The following MICAL2 variants were observed in gnomAD, a reference collection of about 807,000 sequenced individuals.
MICAL2 encodes the protein microtubule associated monooxygenase, calponin and LIM domain containing 2.
MICAL2 carries 77 observed loss-of-function variants against 127.3 expected under a neutral mutation model. That is an observed-to-expected ratio of 0.60 (90% CI 0.50 to 0.73). The LOEUF is 0.73. Ranked by LOEUF, MICAL2 falls within the 30% of genes least tolerant of loss-of-function variation. The probability of loss-of-function intolerance (pLI) is 0.00; values close to 1 mark genes in which losing one functional copy is unlikely to be tolerated. For missense variants in MICAL2, 1,351 were observed against 1,434.4 expected (o/e 0.94, Z 0.94); for synonymous variants, 570 against 551.1 (o/e 1.03, Z -0.48).
At chr11:12,158,044 T>C (rs1385236673) in intron 2 of MICAL2, among the ~76,000 whole-genome samples, 1 of 152,194 alleles carries the variant, frequency 6.6e-6, no homozygotes, top group Non-Finnish European at 1.5e-5. Flanking sequence ...ACAGGTTGAC[T>C]ATACCTAAAC....
In MICAL2 at chr11:12,243,987, A is replaced by C; in HGVS notation, c.2659A>C (p.Asn887His). The change falls in exon 21 of 28, where the codon AAT becomes CAT. Residue 887 changes from asparagine to histidine, a missense_variant and splice_region_variant. Coordinates refer to ENST00000683283, the MANE Select transcript of MICAL2 (RefSeq NM_001282663.2). Reference protein sequence around the residue: ...SMFGHGDFPQNKLLSKGLSHT... With the variant: ...SMFGHGDFPQHKLLSKGLSHT... ...TTTCTTCTATTTCTGTTCTGTGCAGAATAAACTACTCTCTAAAGGCCTGTC... is the reference window on the plus strand; with the variant it reads ...TTTCTTCTATTTCTGTTCTGTGCAGCATAAACTACTCTCTAAAGGCCTGTC... 6.2e-7 allele frequency: 1 copy of C among 1,613,886 alleles called. No individual in the cohort carries two copies. Among genetic ancestry groups the C allele is most frequent in the Non-Finnish European group, 8.5e-7 (1 of 1,179,786 alleles).
At chr11:12,120,833 T>C (rs1277452588) in intron 1 of MICAL2, among the ~76,000 whole-genome samples, 1 of 152,130 alleles carries the variant, frequency 6.6e-6, no homozygotes, top group Non-Finnish European at 1.5e-5. Flanking sequence ...TGTGGGAAGC[T>C]GTCAGAGAGG....
chr11:12,249,064 T>C (rs1861165276), intron 21 of MICAL2, 120 bp from the exon 22 acceptor site: 1 of 1,242,050 alleles, frequency 8.1e-7, no homozygotes, highest in East Asian at 2.4e-5. Context: ...AATACTGCAA[T>C]GTCCTAACCT....
chr11:12,204,120 G>A, intron 3 of MICAL2, 130 bp from the exon 4 acceptor site: 2 of 822,028 alleles, frequency 2.4e-6, no homozygotes, highest in Non-Finnish European at 3.9e-6. Context: ...GCCCTAACAG[G>A]TACACAGCTT....
In MICAL2 at chr11:12,223,470, G is replaced by T. The variant is rs144179632; in HGVS notation, c.1509G>T (p.Ser503=). The change falls in exon 12 of 28, where the codon TCG becomes TCT. Residue 503 remains serine, a synonymous_variant. Coordinates refer to ENST00000683283, the MANE Select transcript of MICAL2 (RefSeq NM_001282663.2). ...LEHYPLERLG[S]VRRSVNLSRK... ...ACTACCCTCTCGAGAGACTGGGCTCGGTGAGGAGATCTGTCAACCTCTCCA... is the reference window on the plus strand; with the variant it reads ...ACTACCCTCTCGAGAGACTGGGCTCTGTGAGGAGATCTGTCAACCTCTCCA... The T allele has an allele frequency of 6.2e-7, 1 of 1,614,034 alleles. No homozygotes were observed. Among genetic ancestry groups the T allele is most frequent in the South Asian group, 1.1e-5 (1 of 91,070 alleles).
downstream of MICAL2, among the ~76,000 whole-genome samples, chr11:12,268,104 G>A (rs1565288495): frequency 6.6e-6 from 1 of 152,228 alleles, no homozygotes; most frequent in Non-Finnish European, 1.5e-5. Context: ...TGCAGAACAT[G>A]CAGCCATCTC....
chr11:12,256,448 C>A (rs79391616), intron 23 of MICAL2: 2,486 of 200,654 alleles, frequency 0.012, 52 homozygotes, highest in African/African-American at 0.05. Flanking sequence ...AAAGAATATC[C>A]TGGGGTGGAC....
At chr11:12,224,549 CTGGCCCCTTGCCT>C (rs1857184254) in intron 12 of MICAL2, 111 bp from the exon 13 acceptor site, 1 of 1,339,444 alleles carries the variant, frequency 7.5e-7, no homozygotes, top group Non-Finnish European at 1.0e-6. Context: ...GCCCCCTGCC[CTGGCCCCTTGCCT>C]TGGGGCCGCT....
In MICAL2 at chr11:12,344,472, C is replaced by CGATTATTATTAT. The variant is rs34112883; in HGVS notation, c.5516-5366_5516-5365insGATTATTATTAT. The stretch of plus-strand genomic sequence containing the variant: ...ATGATCCTTGTCAAAATTCTAGAAA[C>CGATTATTATTAT]TATTATTATTATTATTATTATTATT... On this transcript the variant is annotated intron_variant, in intron 32 of 34. Coordinates refer to the MICAL2 transcript ENST00000646065. Among the ~76,000 whole-genome samples the CGATTATTATTAT allele has an allele frequency of 2.4e-3, 341 of 141,480 alleles. 4 individuals are homozygous for CGATTATTATTAT. Among genetic ancestry groups the CGATTATTATTAT allele is most frequent in the South Asian group, 3.7e-3 (16 of 4,276 alleles). 92.8% of individuals were successfully genotyped at this position (141,480 alleles called of 152,430 possible).
chr11:12,324,697 A>T (rs1357070235), intron 31 of MICAL2, among the ~76,000 whole-genome samples: 1 of 152,076 alleles, frequency 6.6e-6, no homozygotes, highest in Non-Finnish European at 1.5e-5. Context: ...TAGAATGACC[A>T]CTCATGTTAA....
intron 34 of MICAL2, among the ~76,000 whole-genome samples, chr11:12,357,862 A>T: frequency 6.6e-6 from 1 of 152,082 alleles, no homozygotes; most frequent in East Asian, 1.9e-4. Context: ...GAAAAAAAAG[A>T]TTGTGGTCAT....
downstream of MICAL2, chr11:12,293,604 C>T: frequency 1.1e-5 from 17 of 1,613,924 alleles, no homozygotes; most frequent in Non-Finnish European, 1.4e-5. Flanking sequence ...AGAGGTCATC[C>T]AAGTCCTCCC....
chr11:12,117,566 G>A (rs1480314266), intron 1 of MICAL2, among the ~76,000 whole-genome samples: 3 of 152,210 alleles, frequency 2.0e-5, no homozygotes, highest in Non-Finnish European at 4.4e-5. Flanking sequence ...TGAGGTGTAG[G>A]GGAGACTGAA....
intron 6 of MICAL2, among the ~76,000 whole-genome samples, chr11:12,212,939 G>A (rs546736378): frequency 5.3e-5 from 8 of 152,328 alleles, no homozygotes; most frequent in African/African-American, 1.9e-4. Flanking sequence ...GGTCTCTCAT[G>A]AGTGTATCTA....
intron 26 of MICAL2, chr11:12,261,908 T>G: frequency 1.0e-6 from 1 of 986,318 alleles, no homozygotes; most frequent in Non-Finnish European, 1.2e-6. Context: ...AGAAAGTAAA[T>G]TTTTGAGGTC....
chr11:12,121,989 G>A (rs961524701), intron 1 of MICAL2, among the ~76,000 whole-genome samples: 11 of 152,186 alleles, frequency 7.2e-5, no homozygotes, highest in Admixed American at 2.6e-4. Flanking sequence ...CTACCCATAT[G>A]AGAACAAGCT....
In MICAL2 at chr11:12,314,691, T is replaced by C. The variant is rs374570837; in HGVS notation, c.5213-5005T>C. ...TTAGTAGAGACGGGGTTTCACCGTG[T>C]TAGCCAGGATGGTCTCGATCTCCTG... On this transcript the variant is annotated intron_variant, in intron 29 of 34. Transcript: ENST00000646065. 1.7e-3 allele frequency among the ~76,000 whole-genome samples: 239 copies of C among 144,636 alleles called. 1 individual carries two copies. The highest frequency in any genetic ancestry group is 5.9e-3 in the African/African-American group (228 of 38,770). The allele number at this position is 144,636 out of a possible 152,430, so 94.9% of individuals were successfully genotyped here.
intron 5 of MICAL2, among the ~76,000 whole-genome samples, chr11:12,209,048 A>G (rs1855097868): frequency 6.6e-6 from 1 of 152,126 alleles, no homozygotes; most frequent in South Asian, 2.1e-4. Flanking sequence ...AAGACAGTGT[A>G]GTGTACAACA....
intron 15 of MICAL2, among the ~76,000 whole-genome samples, chr11:12,228,833 G>A (rs996342751): frequency 2.0e-5 from 3 of 152,172 alleles, no homozygotes; most frequent in Non-Finnish European, 4.4e-5. Flanking sequence ...ACTGGAGTGG[G>A]GAGTTCCTGG....
Sources: allele counts gnomAD v4.1 joint callset (sites outside exome capture counted in the v4.1 genomes callset), GRCh38; gene constraint gnomAD v4.1.1; transcripts MANE v1.5; gene names NCBI Gene and HGNC (gene_info 2026-07-23, HGNC 2026-07-21).